MELK: variants seen among roughly 807,000 people sequenced by gnomAD.
MELK encodes maternal embryonic leucine zipper kinase, also known as pEg3 kinase.
A neutral mutation model predicts 85.0 loss-of-function variants in MELK; 81 were observed. The ratio of observed to expected loss-of-function variants is 0.95; its 90% confidence interval spans 0.80 to 1.15. The LOEUF (loss-of-function observed/expected upper bound fraction) is 1.15. Among genes scored for constraint, MELK ranks in the 50% most tolerant of loss-of-function variants. The pLI is 0.00. For missense variants in MELK, 754 were observed against 777.5 expected (o/e 0.97, Z 0.36); for synonymous variants, 252 against 265.0 (o/e 0.95, Z 0.48).
intron 9 of MELK, among the ~76,000 whole-genome samples, chr9:36,631,715 C>G (rs1325998053): frequency 6.6e-6 from 1 of 152,184 alleles, no homozygotes; most frequent in Non-Finnish European, 1.5e-5. Context: ...ACTGGGACCA[C>G]TGGTATACAC....
intron 10 of MELK, among the ~76,000 whole-genome samples, chr9:36,639,213 G>C (rs1213367372): frequency 6.6e-6 from 1 of 152,180 alleles, no homozygotes; most frequent in African/African-American, 2.4e-5. Context: ...GCCATTTATA[G>C]AGTAACTTTA....
At chr9:36,649,330 C>CA (rs1322695536) in intron 11 of MELK, among the ~76,000 whole-genome samples, 5 of 151,582 alleles carry the variant, frequency 3.3e-5, no homozygotes, top group East Asian at 3.9e-4. Context: ...ACTAAAAATA[C>CA]AAAAAAAATA....
At chr9:36,596,448 G>A (rs1203139865) in intron 5 of MELK, among the ~76,000 whole-genome samples, 2 of 151,926 alleles carry the variant, frequency 1.3e-5, no homozygotes, top group Non-Finnish European at 2.9e-5. Flanking sequence ...TAGTAGAGAC[G>A]GGGTTTCACC....
rs772813400 is a variant in MELK, at chr9:36,637,321, C to T, written c.834+4121C>T. Among the ~76,000 whole-genome samples the T allele has an allele frequency of 5.9e-5, 9 of 152,048 alleles. No homozygotes were observed. The South Asian group carries it at 6.2e-4, about 11-fold the overall frequency. On this transcript the variant is annotated intron_variant, in intron 10 of 17. Coordinates refer to ENST00000298048, the MANE Select transcript of MELK (RefSeq NM_014791.4). ...TATTCCCTATTTATAGATAAGGGAA[C>T]GGAAAAATGAAAAGCAACTATTTAA... is the stretch of plus-strand genomic sequence containing the variant.
At chr9:36,626,100 C>T (rs1827901459) in intron 8 of MELK, among the ~76,000 whole-genome samples, 1 of 151,986 alleles carries the variant, frequency 6.6e-6, no homozygotes, top group African/African-American at 2.4e-5. Context: ...TACAACTGTC[C>T]CAGCACTGAC....
intron 8 of MELK, among the ~76,000 whole-genome samples, chr9:36,609,812 A>G (rs1275765345): frequency 6.6e-6 from 1 of 152,186 alleles, no homozygotes; most frequent in African/African-American, 2.4e-5. Context: ...TCTGCTTTAT[A>G]TAAGATGCTG....
chr9:36,642,839 A>G (rs552512698), intron 10 of MELK, among the ~76,000 whole-genome samples, 158 bp from the exon 11 acceptor site: 1 of 152,322 alleles, frequency 6.6e-6, no homozygotes, highest in African/African-American at 2.4e-5. Context: ...TTCTTAAAAG[A>G]TTATAGAGAA....
chr9:36,587,540 C>G (rs1017506885), intron 3 of MELK, among the ~76,000 whole-genome samples: 2 of 151,678 alleles, frequency 1.3e-5, no homozygotes, highest in Admixed American at 6.6e-5. Flanking sequence ...TTGTCTTGAA[C>G]TCCTGACCTC....
chr9:36,608,906 T>C (rs543891780), intron 8 of MELK, among the ~76,000 whole-genome samples: 54 of 152,346 alleles, frequency 3.5e-4, no homozygotes, highest in Non-Finnish European at 6.0e-4. Context: ...TCTATACATA[T>C]ACTTCTTCAA....
At position 36,644,994 on chromosome 9, in the gene MELK, C is replaced by T. The variant is rs759382161; in HGVS notation, c.921+1911C>T. On this transcript the variant is annotated intron_variant, in intron 11 of 17. Transcript: ENST00000298048. ...TTAAAAGTAACATACTTAAGCCGGG[C>T]GCGGTGGCTCATGCCTGTAATGTCA... Among the ~76,000 whole-genome samples, 108 of 152,122 alleles carry T rather than the reference C, an allele frequency of 7.1e-4. 1 individual carries two copies. The highest frequency in any genetic ancestry group is 1.4e-3 in the Non-Finnish European group (92 of 68,006).
chr9:36,604,268 CTTTTTTTTT>C (rs10598117), intron 7 of MELK, among the ~76,000 whole-genome samples: 3 of 33,780 alleles, frequency 8.9e-5, no homozygotes, highest in East Asian at 1.0e-3. Flanking sequence ...CGCGCCCGGG[CTTTTTTTTT>C]TTTTTTTTTT....
chr9:36,574,206 A>G (rs1587284465), intron 1 of MELK, among the ~76,000 whole-genome samples: 2 of 152,084 alleles, frequency 1.3e-5, no homozygotes, highest in Admixed American at 6.6e-5. Flanking sequence ...ATCAATCCCA[A>G]TGAGTGCCTC....
chr9:36,672,441 G>A (rs1032882629), intron 16 of MELK, among the ~76,000 whole-genome samples: 8 of 152,042 alleles, frequency 5.3e-5, no homozygotes, highest in African/African-American at 1.7e-4. Context: ...AAATACTAAC[G>A]GATAATGTTC....
At chr9:36,673,922 T>C (rs977601985) in intron 16 of MELK, among the ~76,000 whole-genome samples, 2 of 152,242 alleles carry the variant, frequency 1.3e-5, no homozygotes, top group East Asian at 1.9e-4. Context: ...TAAAAATATT[T>C]ATCCATGTGC....
At position 36,596,616 on chromosome 9, in the gene MELK, C is replaced by T. The variant is rs867182458; in HGVS notation, c.406-606C>T. Among the ~76,000 whole-genome samples, 46 of 110,086 alleles carry T rather than the reference C, an allele frequency of 4.2e-4. 1 individual carries two copies. The South Asian group carries it at 0.012, about 28-fold the overall frequency. 72.2% of individuals were successfully genotyped at this position (110,086 alleles called of 152,430 possible). A position where few individuals can be genotyped will look rare whatever the true frequency, so the allele number is the denominator to read the frequency against. ...TTTTTTTTTTTTTGAGATGGAGTTT[C>T]GCTCTTGTTGCCCAGGCTGGAGTGC... On this transcript the variant is annotated intron_variant, in intron 5 of 17. Coordinates refer to ENST00000298048, the MANE Select transcript of MELK (RefSeq NM_014791.4).
intron 7 of MELK, among the ~76,000 whole-genome samples, chr9:36,600,000 C>T (rs1250555956): frequency 1.3e-5 from 2 of 152,066 alleles, no homozygotes; most frequent in Admixed American, 6.5e-5. Context: ...ATGTGAGTGT[C>T]ATAAGATTAA....
intron 7 of MELK, among the ~76,000 whole-genome samples, chr9:36,604,711 T>G (rs1306865502): frequency 6.6e-6 from 1 of 151,310 alleles, no homozygotes; most frequent in Non-Finnish European, 1.5e-5. Flanking sequence ...TGGCGTGATC[T>G]TGGCTCACTG....
intron 8 of MELK, among the ~76,000 whole-genome samples, chr9:36,618,520 G>A (rs1226006344): frequency 6.6e-6 from 1 of 152,002 alleles, no homozygotes; most frequent in South Asian, 2.1e-4. Flanking sequence ...ATTTAAAATA[G>A]TCTTGCTAAT....
intron 11 of MELK, among the ~76,000 whole-genome samples, chr9:36,649,442 G>A (rs780652794): frequency 4.6e-5 from 7 of 152,042 alleles, no homozygotes; most frequent in African/African-American, 7.2e-5. Flanking sequence ...ACCCAAGATC[G>A]CGCCACTGCA....
Sources: gnomAD v4.1 joint callset for allele counts (sites outside exome capture counted in the v4.1 genomes callset) on GRCh38, gnomAD v4.1.1 for gene constraint, MANE v1.5 for transcripts, NCBI Gene and HGNC (gene_info 2026-07-23, HGNC 2026-07-21) for gene names.